NYAP2: variants seen among roughly 807,000 people sequenced by gnomAD.
NYAP2 encodes the protein neuronal tyrosine-phosphorylated phosphoinositide-3-kinase adapter 2.
Under a neutral mutation model 50.4 loss-of-function variants are expected in NYAP2, and 23 were observed. The observed-to-expected ratio is 0.46, with a 90% CI of 0.33 to 0.65. NYAP2 has a LOEUF of 0.65. NYAP2 is among the 30% of genes least tolerant of loss of function. The pLI is 0.02. For synonymous variants in NYAP2, 394 were observed against 365.2 expected (o/e 1.08, Z -0.90); for missense variants, 885 against 861.0 (o/e 1.03, Z -0.35).
the NYAP2 span, among the ~76,000 whole-genome samples, chr2:225,686,972 T>C: frequency 6.6e-6 from 1 of 152,144 alleles, no homozygotes; most frequent in East Asian, 1.9e-4. Flanking sequence ...TCAAGTGCAC[T>C]TCCCATGTCA....
intron 3 of NYAP2, among the ~76,000 whole-genome samples, chr2:225,431,697 T>C (rs746540855): frequency 6.6e-6 from 1 of 152,204 alleles, no homozygotes; most frequent in Non-Finnish European, 1.5e-5. Flanking sequence ...TTGGAAATGA[T>C]CCAGAACAAA....
chr2:225,544,129 G>A (rs1002247440), intron 4 of NYAP2, among the ~76,000 whole-genome samples: 2 of 151,404 alleles, frequency 1.3e-5, no homozygotes, highest in African/African-American at 2.4e-5. Flanking sequence ...GGTTTCCATT[G>A]GCATGGAATA....
intron 3 of NYAP2, among the ~76,000 whole-genome samples, chr2:225,474,343 G>C (rs1690064863): frequency 6.6e-6 from 1 of 152,120 alleles, no homozygotes; most frequent in Non-Finnish European, 1.5e-5. Context: ...CCAATTCTGT[G>C]AAGAAAGTCA....
chr2:225,696,489 C>T, the NYAP2 span, among the ~76,000 whole-genome samples: 2 of 151,900 alleles, frequency 1.3e-5, no homozygotes, highest in African/African-American at 2.4e-5. Flanking sequence ...ATAAAGAAGC[C>T]AGGAAGCCCA....
At chr2:225,650,825 C>T (rs1328577727) in intron 6 of NYAP2, among the ~76,000 whole-genome samples, 1 of 152,138 alleles carries the variant, frequency 6.6e-6, no homozygotes, top group Non-Finnish European at 1.5e-5. Context: ...CTAAAGCATC[C>T]TGTCAGTGGC....
chr2:225,628,514 G>A (rs1228332496), intron 6 of NYAP2, among the ~76,000 whole-genome samples: 1 of 151,688 alleles, frequency 6.6e-6, no homozygotes, highest in East Asian at 1.9e-4. Flanking sequence ...ATAGAGACGG[G>A]GTTTCACTAT....
intron 5 of NYAP2, among the ~76,000 whole-genome samples, chr2:225,618,332 A>T (rs1247995828): frequency 6.6e-6 from 1 of 152,198 alleles, no homozygotes; most frequent in East Asian, 1.9e-4. Context: ...TCCTCATGTC[A>T]CCTAGTAGTC....
rs1694848088 is a variant in NYAP2 at position 225,400,834 on chromosome 2, G to A, written c.-227G>A. The stretch of plus-strand genomic sequence containing the variant: ...AGGACATCGAGAATGCTCTGATCTA[G>A]TGATGAAGAATCTGGGAGTCGACAC... On this transcript the variant is annotated 5_prime_UTR_variant, in exon 2 of 7. In the 5' UTR this introduces an upstream ATG that the reference lacks. Transcript: ENST00000636099. The A allele has an allele frequency of 1.3e-5, 2 of 152,530 alleles. No homozygotes were observed. The highest frequency in any genetic ancestry group is 4.8e-5 in the African/African-American group (2 of 41,434). 9.4% of individuals were successfully genotyped at this position (152,530 alleles called of 1,614,324 possible).
intron 3 of NYAP2, among the ~76,000 whole-genome samples, chr2:225,508,895 C>G (rs1049073551): frequency 4.6e-5 from 7 of 152,228 alleles, no homozygotes; most frequent in Non-Finnish European, 7.3e-5. Flanking sequence ...GACTTCTGAG[C>G]CACACACCTC....
intron 3 of NYAP2, among the ~76,000 whole-genome samples, chr2:225,497,118 C>T (rs1400394921): frequency 6.6e-6 from 1 of 152,116 alleles, no homozygotes; most frequent in Non-Finnish European, 1.5e-5. Context: ...ACAGGGCATT[C>T]GATTCAATTA....
intron 4 of NYAP2, among the ~76,000 whole-genome samples, chr2:225,572,545 A>G (rs917427962): frequency 7.2e-5 from 11 of 151,960 alleles, no homozygotes; most frequent in African/African-American, 2.7e-4. Flanking sequence ...GGAGGAAACT[A>G]CCCCCATGAT....
chr2:225,637,457 G>A lies in NYAP2; in HGVS notation c.1828+10331G>A, dbSNP rs76660002. Among the ~76,000 whole-genome samples, 531 of 152,276 alleles carry A rather than the reference G, an allele frequency of 3.5e-3. 4 individuals are homozygous for A. The highest frequency in any genetic ancestry group is 0.012 in the African/African-American group (507 of 41,550). ...CTGCCATTCTGTGCAGTCAGATCAT[G>A]CATCAGAAGACAATTCTCCACATCT... On this transcript the variant is annotated intron_variant, in intron 6 of 6. Transcript: ENST00000636099.
chr2:225,657,306 T>C (rs1015079835), downstream of NYAP2, among the ~76,000 whole-genome samples: 31 of 151,556 alleles, frequency 2.0e-4, no homozygotes, highest in African/African-American at 7.3e-4. Context: ...GAGACGGGGT[T>C]TCACCATGTT....
chr2:225,538,778 TTTTC>T (rs201335435), intron 4 of NYAP2, among the ~76,000 whole-genome samples: 3,101 of 74,916 alleles, frequency 0.041, 68 homozygotes, highest in South Asian at 0.064. Context: ...TTTTCTTTTC[TTTTC>T]TTTCTTTCTT....
At chr2:225,469,138 C>T (rs955518526) in intron 3 of NYAP2, among the ~76,000 whole-genome samples, 2 of 152,038 alleles carry the variant, frequency 1.3e-5, no homozygotes, top group Admixed American at 6.6e-5. Context: ...GGCTAATATC[C>T]AGAATCTACA....
At chr2:225,454,642 G>A (rs1314906352) in intron 3 of NYAP2, among the ~76,000 whole-genome samples, 1 of 152,124 alleles carries the variant, frequency 6.6e-6, no homozygotes, top group Non-Finnish European at 1.5e-5. Context: ...TCAGATCAGT[G>A]GCAGCGTTAG....
At chr2:225,622,593 T>A (rs1240459213) in intron 5 of NYAP2, among the ~76,000 whole-genome samples, 1 of 148,336 alleles carries the variant, frequency 6.7e-6, no homozygotes, top group East Asian at 2.0e-4. Flanking sequence ...TTTCTTTTTT[T>A]TTTTTAGACA....
At chr2:225,498,269 G>A (rs957695770) in intron 3 of NYAP2, among the ~76,000 whole-genome samples, 7 of 152,192 alleles carry the variant, frequency 4.6e-5, no homozygotes, top group Admixed American at 6.5e-5. Context: ...ACAATATGAA[G>A]GAAGTTCACT....
chr2:225,629,962 G>C (rs1693279613), intron 6 of NYAP2, among the ~76,000 whole-genome samples: 1 of 152,178 alleles, frequency 6.6e-6, no homozygotes, highest in Non-Finnish European at 1.5e-5. Flanking sequence ...AGTTCTTCCT[G>C]GGGCAGAGTG....
Sources: allele counts gnomAD v4.1 joint callset (sites outside exome capture counted in the v4.1 genomes callset), GRCh38; gene constraint gnomAD v4.1.1; transcripts MANE v1.5; gene names NCBI Gene and HGNC (gene_info 2026-07-23, HGNC 2026-07-21).